Variants in TENM4 observed in about 807,000 individuals in gnomAD.
The protein encoded by TENM4 is teneurin-4.
TENM4 carries 82 observed loss-of-function variants against 243.3 expected under a neutral mutation model. That is an observed-to-expected ratio of 0.34 (90% CI 0.28 to 0.40). TENM4 has a LOEUF of 0.40. TENM4 is among the 10% of genes least tolerant of loss of function. The pLI, the probability that TENM4 is intolerant of heterozygous loss-of-function variation, is 1.00. For missense variants in TENM4, 3,138 were observed against 3,673.3 expected (o/e 0.85, Z 3.77); for synonymous variants, 1,412 against 1,456.3 (o/e 0.97, Z 0.69).
At chr11:79,348,378 C>G (rs924070576) in intron 1 of TENM4, among the ~76,000 whole-genome samples, 7 of 152,122 alleles carry the variant, frequency 4.6e-5, no homozygotes, top group Non-Finnish European at 1.0e-4. Context: ...CATTGGTATC[C>G]CATACCAAAA....
chr11:78,763,175 C>G (rs1048234566), intron 18 of TENM4, among the ~76,000 whole-genome samples: 1 of 152,134 alleles, frequency 6.6e-6, no homozygotes, highest in South Asian at 2.1e-4. Flanking sequence ...TCTGTAAAAC[C>G]CTCCTAAACC....
At chr11:78,665,171 CTTTCTTTTCT>C (rs983914566) in intron 32 of TENM4, among the ~76,000 whole-genome samples, 2 of 151,450 alleles carry the variant, frequency 1.3e-5, no homozygotes, top group African/African-American at 4.9e-5. Context: ...CTTTCTTTCT[CTTTCTTTTCT>C]TTTCTTTTTC....
chr11:79,253,688 C>G (rs567105952), intron 2 of TENM4, among the ~76,000 whole-genome samples: 1 of 152,220 alleles, frequency 6.6e-6, no homozygotes, highest in East Asian at 1.9e-4. Flanking sequence ...ATGGGCAGAC[C>G]GTCCAAGAGG....
At chr11:78,675,369 T>G (rs1204369551) in intron 30 of TENM4, among the ~76,000 whole-genome samples, 1 of 152,250 alleles carries the variant, frequency 6.6e-6, no homozygotes, top group Non-Finnish European at 1.5e-5. Context: ...TTCTGTAGTT[T>G]GTTTCATCTC....
At chr11:79,112,928 G>T (rs1338728654) in intron 4 of TENM4, among the ~76,000 whole-genome samples, 5 of 152,104 alleles carry the variant, frequency 3.3e-5, no homozygotes, top group Non-Finnish European at 5.9e-5. Context: ...ATTGACAAAG[G>T]CAGAAAAGAT....
At chr11:79,263,393 T>G (rs1855831680) in intron 2 of TENM4, among the ~76,000 whole-genome samples, 1 of 152,206 alleles carries the variant, frequency 6.6e-6, no homozygotes, top group Non-Finnish European at 1.5e-5. Context: ...GCAAACATGG[T>G]GAAGTAACGA....
intron 4 of TENM4, among the ~76,000 whole-genome samples, chr11:79,073,186 C>T (rs1300352320): frequency 6.6e-6 from 1 of 152,298 alleles, no homozygotes; most frequent in South Asian, 2.1e-4. Flanking sequence ...ATGCTATTGT[C>T]CTGCTTATGC....
Position 79,288,467 on chromosome 11 carries a change from G to A in TENM4, c.-265+9021C>T, listed in dbSNP as rs1354817590. Among the ~76,000 whole-genome samples, 19 of 152,196 alleles carry A rather than the reference G, an allele frequency of 1.2e-4. 1 individual carries two copies. Among genetic ancestry groups the A allele is most frequent in the Admixed American group, 1.2e-3 (19 of 15,280 alleles). On this transcript the variant is annotated intron_variant, in intron 2 of 33. Transcript: ENST00000278550. Reference sequence around the variant, plus strand: ...CCTGTGGGATTGAAAATCAAACTATGTAGGCTTCTCCGCTGATTCCACAGG... The same window carrying A: ...CCTGTGGGATTGAAAATCAAACTATATAGGCTTCTCCGCTGATTCCACAGG...
At chr11:79,186,481 T>C (rs1045037745) in intron 3 of TENM4, among the ~76,000 whole-genome samples, 5 of 152,214 alleles carry the variant, frequency 3.3e-5, no homozygotes, top group East Asian at 3.8e-4. Context: ...ATTTTATAGA[T>C]GAGGCTGAGA....
chr11:78,784,358 C>T lies in TENM4; in HGVS notation c.2365+2540G>A, dbSNP rs566465302. The stretch of plus-strand genomic sequence containing the variant: ...TGGGACCATTGTTTCTCTACTTTGC[C>T]TCCCCTCCCCCTTCCCTTATATCCT... On this transcript the variant is annotated intron_variant, in intron 16 of 33. Transcript: ENST00000278550. Among the ~76,000 whole-genome samples the T allele has an allele frequency of 3.9e-5, 6 of 152,238 alleles. No individual in the cohort carries two copies. In the South Asian group the frequency reaches 1.0e-3, roughly 26 times the overall value.
At chr11:79,110,084 A>G (rs1861469527) in intron 4 of TENM4, among the ~76,000 whole-genome samples, 1 of 152,172 alleles carries the variant, frequency 6.6e-6, no homozygotes, top group Non-Finnish European at 1.5e-5. Flanking sequence ...TCCCTTCTAT[A>G]AAGTCTTCCC....
chr11:78,891,199 G>A (rs1260340356), intron 8 of TENM4, 39 bp downstream of exon 8: 5 of 1,538,222 alleles, frequency 3.3e-6, no homozygotes, highest in Non-Finnish European at 4.4e-6. Context: ...GAGCCACAAG[G>A]AGAGCACACA....
intron 4 of TENM4, among the ~76,000 whole-genome samples, chr11:79,118,710 C>T (rs534088659): frequency 2.6e-5 from 4 of 152,160 alleles, no homozygotes; most frequent in Admixed American, 6.5e-5. Flanking sequence ...GGTTGATCCA[C>T]GTTGTAGCAT....
At chr11:79,111,671 C>T (rs889288743) in intron 4 of TENM4, among the ~76,000 whole-genome samples, 1 of 152,156 alleles carries the variant, frequency 6.6e-6, no homozygotes, top group Non-Finnish European at 1.5e-5. Flanking sequence ...CCTTAATGGA[C>T]CAGAACCTGT....
chr11:79,308,367 T>C (rs1485651550), intron 1 of TENM4, among the ~76,000 whole-genome samples: 1 of 152,244 alleles, frequency 6.6e-6, no homozygotes, highest in Non-Finnish European at 1.5e-5. Flanking sequence ...TTCCTTTTTT[T>C]TCAGTCATAA....
In TENM4 at chr11:79,066,830, G is replaced by A. The variant is rs188179081; in HGVS notation, c.224-1823C>T. On this transcript the variant is annotated intron_variant, in intron 5 of 33. Transcript: ENST00000278550. ...ACAGATAAGGGGACAAGGAAGCGGGGAGGAGAGACCAGCTGGGGTGCTGCT... is the reference window on the plus strand; with the variant it reads ...ACAGATAAGGGGACAAGGAAGCGGGAAGGAGAGACCAGCTGGGGTGCTGCT... Among the ~76,000 whole-genome samples, 440 of 152,350 alleles carry A rather than the reference G, an allele frequency of 2.9e-3. 1 individual carries two copies. The highest frequency in any genetic ancestry group is 0.01 in the African/African-American group (426 of 41,590).
chr11:79,012,258 C>T (rs530435599), intron 6 of TENM4, among the ~76,000 whole-genome samples: 10 of 152,320 alleles, frequency 6.6e-5, no homozygotes, highest in South Asian at 2.1e-4. Context: ...TTTTCCCCGA[C>T]GGCCTCATGT....
intron 23 of TENM4, among the ~76,000 whole-genome samples, chr11:78,723,697 G>A (rs1855452229): frequency 6.6e-6 from 1 of 152,120 alleles, no homozygotes; most frequent in Non-Finnish European, 1.5e-5. Flanking sequence ...TTTTCCTCAT[G>A]CACACTTCAC....
chr11:79,374,852 G>A (rs1857860835), intron 1 of TENM4, among the ~76,000 whole-genome samples: 2 of 152,126 alleles, frequency 1.3e-5, no homozygotes, highest in South Asian at 2.1e-4. Context: ...AGGCGAATGC[G>A]GTTGCAAGCC....
Sources: allele counts gnomAD v4.1 joint callset (sites outside exome capture counted in the v4.1 genomes callset), GRCh38; gene constraint gnomAD v4.1.1; transcripts MANE v1.5; gene names NCBI Gene and HGNC (gene_info 2026-07-23, HGNC 2026-07-21).